SIPA1L3: variants seen among roughly 807,000 people sequenced by gnomAD.
SIPA1L3 encodes signal-induced proliferation-associated 1-like protein 3.
A neutral mutation model predicts 150.1 loss-of-function variants in SIPA1L3; 59 were observed. The observed-to-expected ratio is 0.39, with a 90% CI of 0.32 to 0.49. The LOEUF (loss-of-function observed/expected upper bound fraction) is 0.49. Ranked by LOEUF, SIPA1L3 falls within the 20% of genes least tolerant of loss-of-function variation. SIPA1L3 has a pLI of 0.86. For synonymous variants in SIPA1L3, 1,070 were observed against 1,077.6 expected, an observed-to-expected ratio of 0.99 and a Z score of 0.14; for missense variants, 2,211 against 2,489.5, an observed-to-expected ratio of 0.89 and a Z score of 2.38.
In SIPA1L3 at chr19:38,101,238, GC is replaced by G. The variant is rs779312033; in HGVS notation, c.2029+14del. Reference sequence around the variant, plus strand: ...GCTGGACGTCAAGAGTAAGTAGGGGGCCGGTTAGATCACAGTGAGCCACCAC... The same window carrying G: ...GCTGGACGTCAAGAGTAAGTAGGGGGCGGTTAGATCACAGTGAGCCACCAC... On this transcript the variant is annotated intron_variant, in intron 6 of 21. Coordinates refer to ENST00000222345, the MANE Select transcript of SIPA1L3 (RefSeq NM_015073.3). 2 of 1,518,172 alleles carry G rather than the reference GC, an allele frequency of 1.3e-6. No homozygotes were observed. Among genetic ancestry groups the G allele is most frequent in the South Asian group, 2.5e-5 (2 of 79,158 alleles). The allele number at this position is 1,518,172 out of a possible 1,614,324, so 94.0% of individuals were successfully genotyped here. A position where few individuals can be genotyped will look rare whatever the true frequency, so the allele number is the denominator to read the frequency against.
intron 10 of SIPA1L3, among the ~76,000 whole-genome samples, chr19:38,135,691 C>T (rs1356097160): frequency 6.6e-6 from 1 of 152,192 alleles, no homozygotes; most frequent in Non-Finnish European, 1.5e-5. Flanking sequence ...AAGACATTCC[C>T]TCCTGTTCCC....
At position 38,072,825 on chromosome 19, in the gene SIPA1L3, C is replaced by G. The variant is rs565379854; in HGVS notation, c.-310-8431C>G. ...TGGAGGGCTCTTGTGTTTCCCTATG[C>G]TGTGTCCTGTGAGCTTCTGGCAGAC... On this transcript the variant is annotated intron_variant, in intron 2 of 21. Coordinates refer to ENST00000222345, the MANE Select transcript of SIPA1L3 (RefSeq NM_015073.3). 3.9e-5 allele frequency among the ~76,000 whole-genome samples: 6 copies of G among 152,380 alleles called. No homozygotes were observed. The South Asian group carries it at 8.3e-4, about 21-fold the overall frequency.
At chr19:38,204,503 A>G (rs1836007) in intron 21 of SIPA1L3, among the ~76,000 whole-genome samples, 117,137 of 152,158 alleles carry the variant, frequency 0.77, 45,512 homozygotes, top group East Asian at 0.91. Context: ...GGTGGCTCAT[A>G]CCTGTAATCC....
chr19:38,093,285 G>A (rs1465194294), intron 4 of SIPA1L3, among the ~76,000 whole-genome samples: 1 of 152,192 alleles, frequency 6.6e-6, no homozygotes, highest in Non-Finnish European at 1.5e-5. Context: ...CAGGCAGAGC[G>A]AACAGCCAGT....
intron 1 of SIPA1L3, among the ~76,000 whole-genome samples, chr19:37,954,145 A>G (rs73633159): frequency 6.6e-6 from 1 of 152,088 alleles, no homozygotes; most frequent in African/African-American, 2.4e-5. Flanking sequence ...AATCATGTAA[A>G]TTTTTCCCTG....
intron 9 of SIPA1L3, 30 bp downstream of exon 9, chr19:38,119,912 C>T (rs764175658): frequency 5.2e-6 from 8 of 1,524,262 alleles, no homozygotes; most frequent in East Asian, 4.5e-5. Flanking sequence ...GATAGGGCGG[C>T]GATTTGTATG....
chr19:38,001,167 C>T (rs1466276950), intron 1 of SIPA1L3, among the ~76,000 whole-genome samples: 1 of 151,580 alleles, frequency 6.6e-6, no homozygotes, highest in African/African-American at 2.4e-5. Flanking sequence ...GGTGGAGTTA[C>T]TTCAGAATAA....
intron 1 of SIPA1L3, among the ~76,000 whole-genome samples, chr19:37,942,604 C>T (rs2046670151): frequency 1.3e-5 from 2 of 151,726 alleles, no homozygotes. Flanking sequence ...GAGTGTCCTC[C>T]CATGCCCTCT....
At chr19:38,129,875 T>C (rs1432432666) in intron 9 of SIPA1L3, among the ~76,000 whole-genome samples, 1 of 152,126 alleles carries the variant, frequency 6.6e-6, no homozygotes. Context: ...AAGACTAGCC[T>C]GGCCAATATG....
At chr19:38,116,551 A>C (rs1970888268) in intron 8 of SIPA1L3, among the ~76,000 whole-genome samples, 1 of 146,252 alleles carries the variant, frequency 6.8e-6, no homozygotes, top group Non-Finnish European at 1.5e-5. Context: ...AGAAAGAAAG[A>C]AAAGAAAAAG....
At chr19:37,931,262 A>G (rs569823692) in intron 1 of SIPA1L3, among the ~76,000 whole-genome samples, 16 of 152,338 alleles carry the variant, frequency 1.1e-4, no homozygotes, top group Admixed American at 2.0e-4. Context: ...CTGTAATCCC[A>G]GCGCTTTGGG....
In SIPA1L3 at chr19:37,941,071, TACACACACACACACATACACACACAC is replaced by T. The variant is rs1185995878; in HGVS notation, c.-379+33729_-379+33754del. Among the ~76,000 whole-genome samples, 914 of 133,180 alleles carry T rather than the reference TACACACACACACACATACACACACAC, an allele frequency of 6.9e-3. 25 individuals carry two copies. The highest frequency in any genetic ancestry group is 0.055 in the Admixed American group (705 of 12,808). 87.4% of individuals were successfully genotyped at this position (133,180 alleles called of 152,430 possible). ...GTAGGTGAATTTCAGGTTTGAGATGTACACACACACACACATACACACACACACACACACACACACACACACACACA... is the reference window on the plus strand; with the variant it reads ...GTAGGTGAATTTCAGGTTTGAGATGTACACACACACACACACACACACACA... On this transcript the variant is annotated intron_variant, in intron 1 of 21. Transcript: ENST00000222345.
intron 15 of SIPA1L3, among the ~76,000 whole-genome samples, chr19:38,167,831 C>G (rs1259299998): frequency 6.6e-6 from 1 of 152,186 alleles, no homozygotes; most frequent in Non-Finnish European, 1.5e-5. Context: ...TCTCAAAATG[C>G]TGGGATTACA....
rs1201369426 is a variant in SIPA1L3 at position 38,133,223 on chromosome 19, C to T, written c.3143+2451C>T. Among the ~76,000 whole-genome samples the T allele has an allele frequency of 3.3e-5, 5 of 152,226 alleles. No individual in the cohort carries two copies. In the South Asian group the frequency reaches 6.2e-4, roughly 19 times the overall value. Reference sequence around the variant, plus strand: ...AGGGGCAAGCAGAGGCTTCAGACAGCGGCACCTGGCCATCACCACATGTCC... The same window carrying T: ...AGGGGCAAGCAGAGGCTTCAGACAGTGGCACCTGGCCATCACCACATGTCC... On this transcript the variant is annotated intron_variant, in intron 10 of 21. Coordinates refer to ENST00000222345, the MANE Select transcript of SIPA1L3 (RefSeq NM_015073.3).
intron 4 of SIPA1L3, among the ~76,000 whole-genome samples, chr19:38,096,501 G>C (rs972486805): frequency 6.6e-6 from 1 of 152,068 alleles, no homozygotes; most frequent in South Asian, 2.1e-4. Context: ...CGCCCACCTC[G>C]ACCTCTCAAA....
At position 38,035,563 on chromosome 19, in the gene SIPA1L3, C is replaced by T. The variant is rs925855830; in HGVS notation, c.-311+6407C>T. Among the ~76,000 whole-genome samples, 51 of 152,162 alleles carry T rather than the reference C, an allele frequency of 3.4e-4. 1 individual carries two copies. Among genetic ancestry groups the T allele is most frequent in the Admixed American group, 2.9e-3 (45 of 15,278 alleles). ...TTCCGGAATCCAGCTGACCTGGGGTCTAGTCATAGCTGAGCCCGTGACTAG... is the reference window on the plus strand; with the variant it reads ...TTCCGGAATCCAGCTGACCTGGGGTTTAGTCATAGCTGAGCCCGTGACTAG... On this transcript the variant is annotated intron_variant, in intron 2 of 21. Transcript: ENST00000222345.
chr19:38,106,785 A>G, intron 7 of SIPA1L3, 145 bp downstream of exon 7: 1 of 633,662 alleles, frequency 1.6e-6, no homozygotes, highest in South Asian at 1.9e-5. Context: ...CCTGGGGGTT[A>G]GAGAGCAGCC....
At chr19:38,114,849 G>A (rs1387371742) in intron 8 of SIPA1L3, among the ~76,000 whole-genome samples, 2 of 152,204 alleles carry the variant, frequency 1.3e-5, no homozygotes, top group East Asian at 1.9e-4. Context: ...TGGCCTGATC[G>A]GCCGGGGTCG....
At chr19:37,924,243 C>T (rs960183654) in intron 1 of SIPA1L3, among the ~76,000 whole-genome samples, 3 of 151,972 alleles carry the variant, frequency 2.0e-5, no homozygotes, top group Non-Finnish European at 4.4e-5. Flanking sequence ...AAGACACAAA[C>T]ACATGAGCCT....
Sources: gnomAD v4.1 joint callset for allele counts (sites outside exome capture counted in the v4.1 genomes callset) on GRCh38, gnomAD v4.1.1 for gene constraint, MANE v1.5 for transcripts, NCBI Gene and HGNC (gene_info 2026-07-23, HGNC 2026-07-21) for gene names.